PDE4D: variants seen among roughly 807,000 people sequenced by gnomAD.
PDE4D encodes phosphodiesterase 4D.
A neutral mutation model predicts 87.4 loss-of-function variants in PDE4D; 24 were observed. The ratio of observed to expected loss-of-function variants is 0.27; its 90% confidence interval spans 0.20 to 0.39. PDE4D has a LOEUF of 0.39. Among genes scored for constraint, PDE4D ranks in the 10% least tolerant of loss-of-function variants. PDE4D has a pLI of 1.00. For missense variants in PDE4D, 714 were observed against 1,041.0 expected (o/e 0.69, Z 4.32); for synonymous variants, 384 against 383.2 (o/e 1.00, Z -0.02).
At chr5:58,982,514 G>C (rs1264139700) in intron 11 of PDE4D, among the ~76,000 whole-genome samples, 1 of 152,182 alleles carries the variant, frequency 6.6e-6, no homozygotes, top group African/African-American at 2.4e-5. Context: ...AAACTGCAGG[G>C]AAGGCACATC....
intron 3 of PDE4D, among the ~76,000 whole-genome samples, chr5:59,925,092 G>T (rs542668842): frequency 6.8e-6 from 1 of 147,368 alleles, no homozygotes; most frequent in Admixed American, 7.0e-5. Context: ...GGAGAATGGC[G>T]TGAACCCAGG....
chr5:59,951,505 C>G (rs1189110635), intron 3 of PDE4D, among the ~76,000 whole-genome samples: 1 of 152,144 alleles, frequency 6.6e-6, no homozygotes, highest in Non-Finnish European at 1.5e-5. Flanking sequence ...AAGATCATTT[C>G]ATTTAATTGA....
intron 1 of PDE4D, among the ~76,000 whole-genome samples, chr5:59,566,469 AC>A (rs1390394883): frequency 2.6e-5 from 4 of 152,060 alleles, no homozygotes; most frequent in South Asian, 2.1e-4. Context: ...AGATAAAAAA[AC>A]CCTTCACAGA....
intron 1 of PDE4D, among the ~76,000 whole-genome samples, chr5:59,425,286 TAAAA>T (rs766965023): frequency 1.2e-4 from 18 of 152,200 alleles, no homozygotes; most frequent in Non-Finnish European, 1.8e-4. Context: ...ATAAAGGTCT[TAAAA>T]AAGCTCTGAA....
At chr5:59,425,879 G>C (rs1048594178) in intron 1 of PDE4D, among the ~76,000 whole-genome samples, 1 of 152,126 alleles carries the variant, frequency 6.6e-6, no homozygotes, top group Non-Finnish European at 1.5e-5. Flanking sequence ...AGCACAATTT[G>C]TTATGGGCTG....
chr5:59,060,555 A>C (rs1441870248), intron 5 of PDE4D, among the ~76,000 whole-genome samples: 1 of 152,100 alleles, frequency 6.6e-6, no homozygotes, highest in East Asian at 1.9e-4. Context: ...TTTTACGTTC[A>C]GGGGTATATG....
chr5:60,221,054 G>A lies in PDE4D; in HGVS notation c.-89-35367C>T, dbSNP rs532913384. 3.3e-5 allele frequency among the ~76,000 whole-genome samples: 5 copies of A among 151,974 alleles called. No individual in the cohort carries two copies. The South Asian group carries it at 8.3e-4, about 25-fold the overall frequency. ...CCTAAAGGTCTATCAGTAACAGAAC[G>A]GTTACATAAATTATAAATAGTCTTA... is the stretch of plus-strand genomic sequence containing the variant. On this transcript the variant is annotated intron_variant, in intron 1 of 16. Coordinates refer to the PDE4D transcript ENST00000502484.
At chr5:59,478,969 T>C (rs1400792523) in intron 1 of PDE4D, among the ~76,000 whole-genome samples, 1 of 152,108 alleles carries the variant, frequency 6.6e-6, no homozygotes, top group Non-Finnish European at 1.5e-5. Context: ...ATGATGTGCA[T>C]AACTGTATGC....
chr5:59,580,848 T>G (rs1225736375), intron 1 of PDE4D, among the ~76,000 whole-genome samples: 1 of 152,216 alleles, frequency 6.6e-6, no homozygotes, highest in Admixed American at 6.5e-5. Flanking sequence ...AGAAGCTGAA[T>G]TAGAAACCTG....
At chr5:59,386,299 T>C (rs979572858) in intron 1 of PDE4D, among the ~76,000 whole-genome samples, 2 of 151,978 alleles carry the variant, frequency 1.3e-5, no homozygotes, top group African/African-American at 4.8e-5. Flanking sequence ...ATGTTAAGAG[T>C]CCAGTTGAAT....
intron 3 of PDE4D, among the ~76,000 whole-genome samples, chr5:59,947,364 A>C (rs1030506040): frequency 3.9e-5 from 6 of 151,976 alleles, no homozygotes; most frequent in African/African-American, 1.5e-4. Context: ...GAAACAGGAG[A>C]ATTCCTGGGT....
At chr5:59,692,420 T>C (rs1751115127) in intron 1 of PDE4D, among the ~76,000 whole-genome samples, 1 of 152,202 alleles carries the variant, frequency 6.6e-6, no homozygotes. Flanking sequence ...CCAGAACCAG[T>C]TTCTTAAATA....
At chr5:59,403,179 A>T (rs372444425) in intron 1 of PDE4D, among the ~76,000 whole-genome samples, 1 of 76,898 alleles carries the variant, frequency 1.3e-5, no homozygotes, top group Non-Finnish European at 2.8e-5. Flanking sequence ...ACAGACAGAT[A>T]GATAGATAGA....
At chr5:59,479,767 TCAGCTGATTC>T (rs1389913951) in intron 1 of PDE4D, among the ~76,000 whole-genome samples, 1 of 152,162 alleles carries the variant, frequency 6.6e-6, no homozygotes, top group Non-Finnish European at 1.5e-5. Flanking sequence ...TGTTGGGTTC[TCAGCTGATTC>T]CAGCTGCTTG....
At chr5:59,242,812 G>A (rs115432603) in intron 1 of PDE4D, among the ~76,000 whole-genome samples, 2,444 of 152,268 alleles carry the variant, frequency 0.016, 66 homozygotes, top group African/African-American at 0.055. Context: ...GCAGAGAGGA[G>A]TTAAATAAAT....
chr5:60,520,037 T>C (rs1203211232), intron 1 of PDE4D, among the ~76,000 whole-genome samples: 1 of 152,096 alleles, frequency 6.6e-6, no homozygotes, highest in African/African-American at 2.4e-5. Flanking sequence ...GTAATTCCCA[T>C]GAGATTCTTC....
chr5:59,642,942 G>C (rs952267168), intron 1 of PDE4D, among the ~76,000 whole-genome samples: 4 of 152,000 alleles, frequency 2.6e-5, no homozygotes, highest in Non-Finnish European at 5.9e-5. Context: ...GTATAAAATA[G>C]TCAATCTCTA....
At chr5:59,534,840 G>T (rs544342770) in intron 1 of PDE4D, among the ~76,000 whole-genome samples, 6 of 152,284 alleles carry the variant, frequency 3.9e-5, no homozygotes, top group African/African-American at 1.4e-4. Flanking sequence ...TTTCTAGCTT[G>T]ACAAAAGGCC....
intron 6 of PDE4D, 79 bp from the exon 7 acceptor site, chr5:58,993,544 G>A: frequency 2.4e-6 from 2 of 842,960 alleles, no homozygotes; most frequent in Non-Finnish European, 3.7e-6. Flanking sequence ...TGAGATACAG[G>A]AAGATATGCC....
Sources: gnomAD v4.1 joint callset for allele counts (sites outside exome capture counted in the v4.1 genomes callset) on GRCh38, gnomAD v4.1.1 for gene constraint, MANE v1.5 for transcripts, NCBI Gene and HGNC (gene_info 2026-07-23, HGNC 2026-07-21) for gene names.